Variants in SHISA9 observed in about 807,000 individuals in gnomAD.
The protein encoded by SHISA9 is protein shisa-9.
In SHISA9, 13 loss-of-function variants were observed where a neutral mutation model predicts 38.0. That is an observed-to-expected ratio of 0.34 (90% CI 0.22 to 0.54). The LOEUF (loss-of-function observed/expected upper bound fraction) is 0.54, where lower values mean the gene tolerates loss of function less well. SHISA9 is among the 20% of genes least tolerant of loss of function. SHISA9 has a pLI of 0.91. For missense variants in SHISA9, 538 were observed against 575.8 expected (o/e 0.93, Z 0.67); for synonymous variants, 275 against 242.0 (o/e 1.14, Z -1.27).
At chr16:12,907,811 G>A (rs138208046) in intron 1 of SHISA9, among the ~76,000 whole-genome samples, 2 of 152,254 alleles carry the variant, frequency 1.3e-5, no homozygotes, top group African/African-American at 4.8e-5. Flanking sequence ...GGTGACATTG[G>A]ATCTGCATTT....
At chr16:13,361,637 CTT>C in the SHISA9 span, among the ~76,000 whole-genome samples, 1 of 152,170 alleles carries the variant, frequency 6.6e-6, no homozygotes, top group African/African-American at 2.4e-5. Context: ...AAACATGAAT[CTT>C]TTTCCTAATT....
At chr16:13,030,059 T>C (rs2141876140) in intron 2 of SHISA9, among the ~76,000 whole-genome samples, 1 of 152,350 alleles carries the variant, frequency 6.6e-6, no homozygotes, top group South Asian at 2.1e-4. Flanking sequence ...TAGTGCCTGG[T>C]ACACAGTAAG....
intron 2 of SHISA9, among the ~76,000 whole-genome samples, chr16:13,068,270 C>T (rs1038132609): frequency 6.6e-6 from 1 of 152,298 alleles, no homozygotes; most frequent in African/African-American, 2.4e-5. Flanking sequence ...CCCAGGCCTC[C>T]GTTTCTCGAC....
the SHISA9 span, among the ~76,000 whole-genome samples, chr16:13,505,689 G>T: frequency 6.6e-6 from 1 of 152,206 alleles, no homozygotes; most frequent in Non-Finnish European, 1.5e-5. Flanking sequence ...GGAAAGGGCA[G>T]AGATTCAGAA....
At chr16:12,954,031 T>C (rs2071795919) in intron 2 of SHISA9, among the ~76,000 whole-genome samples, 1 of 152,130 alleles carries the variant, frequency 6.6e-6, no homozygotes, top group South Asian at 2.1e-4. Flanking sequence ...AGATGAGATT[T>C]GGGTGGAGAC....
rs562083983 is a variant in SHISA9 at position 12,949,788 on chromosome 16, A to G, written c.691+32973A>G. 2.1e-4 allele frequency among the ~76,000 whole-genome samples: 32 copies of G among 152,348 alleles called. No individual in the cohort carries two copies. In the South Asian group the frequency reaches 6.6e-3, roughly 32 times the overall value. ...TGGGGTACTTATGATATTTCAGTAC[A>G]TGCATACAATGTGTAATAATCAAAT... On this transcript the variant is annotated intron_variant, in intron 2 of 4. Transcript: ENST00000558583.
At chr16:13,098,400 G>A (rs192896180) in intron 2 of SHISA9, among the ~76,000 whole-genome samples, 18 of 152,240 alleles carry the variant, frequency 1.2e-4, no homozygotes, top group Admixed American at 5.2e-4. Context: ...TCAGTATTAG[G>A]TGTTCTGTGT....
intron 2 of SHISA9, among the ~76,000 whole-genome samples, chr16:12,979,378 T>C (rs544097131): frequency 5.9e-5 from 9 of 152,226 alleles, no homozygotes; most frequent in African/African-American, 2.2e-4. Flanking sequence ...CTCCCATCGT[T>C]CCATGCAGGA....
the SHISA9 span, among the ~76,000 whole-genome samples, chr16:13,465,464 T>C: frequency 6.6e-6 from 1 of 152,184 alleles, no homozygotes; most frequent in Non-Finnish European, 1.5e-5. Flanking sequence ...TGAAAAGATA[T>C]CACCTTAAGC....
intron 2 of SHISA9, among the ~76,000 whole-genome samples, chr16:13,095,164 A>C (rs1432321981): frequency 6.6e-6 from 1 of 152,216 alleles, no homozygotes; most frequent in Non-Finnish European, 1.5e-5. Flanking sequence ...CTTGTGGGCA[A>C]CGTGTATTTG....
intron 1 of SHISA9, among the ~76,000 whole-genome samples, chr16:12,913,893 G>A (rs944586122): frequency 1.3e-5 from 2 of 151,920 alleles, no homozygotes; most frequent in East Asian, 1.9e-4. Context: ...AACACATCTC[G>A]TGTGTCCATT....
chr16:13,442,500 GT>G, the SHISA9 span, among the ~76,000 whole-genome samples: 4 of 152,072 alleles, frequency 2.6e-5, no homozygotes, highest in South Asian at 8.3e-4. Flanking sequence ...TAGAGACAGG[GT>G]TTCACCTTGT....
At chr16:13,094,762 C>A (rs2073809393) in intron 2 of SHISA9, among the ~76,000 whole-genome samples, 1 of 152,136 alleles carries the variant, frequency 6.6e-6, no homozygotes, top group Non-Finnish European at 1.5e-5. Flanking sequence ...TCCACAAGGG[C>A]ATGGCCTTTA....
chr16:13,123,730 TAAA>T (rs1261580242), intron 2 of SHISA9, among the ~76,000 whole-genome samples: 3 of 152,286 alleles, frequency 2.0e-5, no homozygotes, highest in Non-Finnish European at 2.9e-5. Context: ...GAGAGAGGCT[TAAA>T]GAAGAATCCA....
chr16:13,156,733 CAAAAA>C (rs11289895), intron 2 of SHISA9, among the ~76,000 whole-genome samples: 1 of 111,432 alleles, frequency 9.0e-6, no homozygotes. Flanking sequence ...GACTCCGTCT[CAAAAA>C]AAAAAAAAAA....
rs191503024 is a variant in SHISA9 at position 13,208,488 on chromosome 16, C to G, written c.848-4765C>G. ...CAGAGTTTGGCTCCTATCACCCAGGCTGGAGTGCCATGGCGCAATCTCGGC... is the reference window on the plus strand; with the variant it reads ...CAGAGTTTGGCTCCTATCACCCAGGGTGGAGTGCCATGGCGCAATCTCGGC... On this transcript the variant is annotated intron_variant, in intron 3 of 4. Transcript: ENST00000558583. 1.3e-4 allele frequency among the ~76,000 whole-genome samples: 18 copies of G among 137,654 alleles called. No homozygotes were observed. In the South Asian group the frequency reaches 3.9e-3, roughly 30 times the overall value. 90.3% of individuals were successfully genotyped at this position (137,654 alleles called of 152,430 possible).
intron 2 of SHISA9, among the ~76,000 whole-genome samples, chr16:12,962,448 A>G (rs1196769004): frequency 6.6e-6 from 1 of 152,182 alleles, no homozygotes; most frequent in African/African-American, 2.4e-5. Flanking sequence ...TGGAACTCTA[A>G]CCCCCAATAT....
the SHISA9 span, among the ~76,000 whole-genome samples, chr16:13,357,254 C>T: frequency 6.6e-5 from 10 of 152,110 alleles, no homozygotes; most frequent in African/African-American, 2.4e-4. Context: ...CCGTGACCGG[C>T]GCCGGAGTTT....
chr16:13,441,084 A>C, the SHISA9 span, among the ~76,000 whole-genome samples: 2 of 152,168 alleles, frequency 1.3e-5, no homozygotes, highest in African/African-American at 4.8e-5. Flanking sequence ...AATATATTTG[A>C]TTTCACAGGG....
Sources: gnomAD v4.1 joint callset for allele counts (sites outside exome capture counted in the v4.1 genomes callset) on GRCh38, gnomAD v4.1.1 for gene constraint, MANE v1.5 for transcripts, NCBI Gene and HGNC (gene_info 2026-07-23, HGNC 2026-07-21) for gene names.